The following EPS8 variants were observed in gnomAD, a reference collection of about 807,000 sequenced individuals.
EPS8 encodes the protein EGFR pathway substrate 8, signaling adaptor.
A neutral mutation model predicts 103.8 loss-of-function variants in EPS8; 42 were observed. The observed-to-expected ratio is 0.40, with a 90% confidence interval of 0.32 to 0.52. The LOEUF (loss-of-function observed/expected upper bound fraction) is 0.52, where lower values mean the gene tolerates loss of function less well. EPS8 is among the 20% of genes least tolerant of loss of function. EPS8 has a pLI of 0.40. For missense variants in EPS8, 969 were observed against 1,005.1 expected, an observed-to-expected ratio of 0.96 and a Z score of 0.49; for synonymous variants, 344 against 344.6, an observed-to-expected ratio of 1.00 and a Z score of 0.02.
rs1403234358 is a variant in EPS8 at position 15,759,761 on chromosome 12, T to TGAAACAAATGATAATG, written c.-22+29384_-22+29399dup. On this transcript the variant is annotated intron_variant, in intron 1 of 20. Coordinates refer to ENST00000281172, the MANE Select transcript of EPS8 (RefSeq NM_004447.6). This position sits in a 1 kb window ranked among gnomAD's most constrained non-coding sequence, Gnocchi z 4.9. Reference sequence around the variant, plus strand: ...CTAAGAAGGAAATTGAAGAATTTCTTGAAACAAATGATAATGGAAACACAA... The same window carrying TGAAACAAATGATAATG: ...CTAAGAAGGAAATTGAAGAATTTCTTGAAACAAATGATAATGGAAACAAATGATAATGGAAACACAA... Among the ~76,000 whole-genome samples the TGAAACAAATGATAATG allele has an allele frequency of 1.3e-5, 2 of 152,022 alleles. No homozygotes were observed. The highest frequency in any genetic ancestry group is 6.5e-5 in the Admixed American group (1 of 15,272).
chr12:15,744,820 A>G (rs899826334), intron 1 of EPS8, among the ~76,000 whole-genome samples: 1 of 152,200 alleles, frequency 6.6e-6, no homozygotes, highest in Non-Finnish European at 1.5e-5. Flanking sequence ...AATACTTTTA[A>G]AAGTCTTTTG....
At chr12:15,763,688 C>T (rs958255835) in intron 1 of EPS8, among the ~76,000 whole-genome samples, 6 of 152,150 alleles carry the variant, frequency 3.9e-5, no homozygotes, top group Admixed American at 6.5e-5. Context: ...TATATGCACA[C>T]GCTGCATGGC....
rs1028424798 is a variant in EPS8, at chr12:15,733,006, A to G, written c.-21-50034T>C. Among the ~76,000 whole-genome samples, 2 of 152,212 alleles carry G rather than the reference A, an allele frequency of 1.3e-5. No homozygotes were observed. Among genetic ancestry groups the G allele is most frequent in the Admixed American group, 1.3e-4 (2 of 15,278 alleles). The stretch of plus-strand genomic sequence containing the variant: ...AGGTAGTCATGACTACCACACTAGA[A>G]TTGAACGATACCTAAATAATGGAGT... On this transcript the variant is annotated intron_variant, in intron 1 of 20. Transcript: ENST00000281172. This position sits in a 1 kb window ranked among gnomAD's most constrained non-coding sequence, Gnocchi z 4.8.
rs149423607 is a variant in EPS8, at chr12:15,702,691, A to G, written c.-21-19719T>C. 2.7e-3 allele frequency among the ~76,000 whole-genome samples: 397 copies of G among 147,180 alleles called. 1 individual carries two copies. Among genetic ancestry groups the G allele is most frequent in the Middle Eastern group, 0.01 (3 of 292 alleles). The stretch of plus-strand genomic sequence containing the variant: ...TATATCCAAAACACATATCCAATAC[A>G]ATATATAAATATGAAGAAAAAAATT... On this transcript the variant is annotated intron_variant, in intron 1 of 20. Coordinates refer to ENST00000281172, the MANE Select transcript of EPS8 (RefSeq NM_004447.6). This position sits in a 1 kb window ranked among gnomAD's most constrained non-coding sequence, Gnocchi z 5.1.
chr12:15,768,009 A>G (rs1007174635), intron 1 of EPS8, among the ~76,000 whole-genome samples: 1 of 152,244 alleles, frequency 6.6e-6, no homozygotes, highest in Non-Finnish European at 1.5e-5. Context: ...TGCAGTTAAG[A>G]ATTAACCTAA....
intron 1 of EPS8, among the ~76,000 whole-genome samples, chr12:15,783,371 G>C (rs1005804751): frequency 1.3e-5 from 2 of 152,170 alleles, no homozygotes; most frequent in Non-Finnish European, 2.9e-5. Context: ...AGGGTTACTA[G>C]TTAAGTTTTT....
At chr12:15,628,947 C>T (rs932866509) in intron 18 of EPS8, among the ~76,000 whole-genome samples, 9 of 151,914 alleles carry the variant, frequency 5.9e-5, no homozygotes, top group Non-Finnish European at 1.3e-4. Flanking sequence ...AACTGTTCTG[C>T]AATAAAGTTA....
chr12:15,641,630 A>C, intron 16 of EPS8, 92 bp downstream of exon 16: 1 of 557,272 alleles, frequency 1.8e-6, no homozygotes, highest in East Asian at 3.2e-5. Flanking sequence ...TTAGTAATAT[A>C]ATACTTTTGA....
chr12:15,737,655 C>T (rs1428880406), intron 1 of EPS8, among the ~76,000 whole-genome samples: 2 of 152,094 alleles, frequency 1.3e-5, no homozygotes, highest in Non-Finnish European at 2.9e-5. Context: ...AAGTGAAGAA[C>T]TAAAACTGAA....
intron 1 of EPS8, chr12:15,732,843 T>C (rs1486063580): frequency 1.4e-6 from 1 of 711,678 alleles, no homozygotes; most frequent in African/African-American, 1.9e-5. Context: ...TGTTAATCAT[T>C]GTTAAGGCTT....
chr12:15,691,472 C>T (rs1946170879), intron 1 of EPS8, among the ~76,000 whole-genome samples: 1 of 152,002 alleles, frequency 6.6e-6, no homozygotes, highest in African/African-American at 2.4e-5. Context: ...ATTTATAGTA[C>T]AATGTGGCAA....
rs565432663 is a variant in EPS8, at chr12:15,788,192, T to G, written c.-22+969A>C. Among the ~76,000 whole-genome samples the G allele has an allele frequency of 4.6e-5, 7 of 152,340 alleles. No individual in the cohort carries two copies. In the East Asian group the frequency reaches 1.3e-3, roughly 29 times the overall value. ...ATCTGAAATCAAGTTTTACCTGAAC[T>G]CATCCTAACATATTAGCTCTTTTAC... On this transcript the variant is annotated intron_variant, in intron 1 of 20. Coordinates refer to ENST00000281172, the MANE Select transcript of EPS8 (RefSeq NM_004447.6).
intron 17 of EPS8, among the ~76,000 whole-genome samples, chr12:15,634,290 T>C (rs1470638058): frequency 6.6e-6 from 1 of 152,246 alleles, no homozygotes; most frequent in Non-Finnish European, 1.5e-5. Context: ...TTGCCTGTGA[T>C]AGCCCACAAA....
At position 15,665,863 on chromosome 12, in the gene EPS8, G is replaced by A. The variant is rs773063073; in HGVS notation, c.629C>T (p.Pro210Leu). 9.3e-6 allele frequency: 15 copies of A among 1,613,352 alleles called. No homozygotes were observed. Among genetic ancestry groups the A allele is most frequent in the East Asian group, 2.2e-5 (1 of 44,842 alleles). Residue 210 changes from proline (P) to leucine (L), a missense_variant, in exon 8 of 21, where the codon CCG becomes CTG. Transcript: ENST00000281172. ...RMISNADPSI[P>L]PPPRAPAPAP... Reference sequence around the variant, plus strand: ...AGGGGCAGGAGCTCTGGGTGGAGGCGGTATACTAGGGTCTGCATTGGAAAT... The same window carrying A: ...AGGGGCAGGAGCTCTGGGTGGAGGCAGTATACTAGGGTCTGCATTGGAAAT...
rs1317244817 is a variant in EPS8 at position 15,698,514 on chromosome 12, T to C, written c.-21-15542A>G. 6.6e-6 allele frequency among the ~76,000 whole-genome samples: 1 copy of C among 151,306 alleles called. No individual in the cohort carries two copies. Among genetic ancestry groups the C allele is most frequent in the Non-Finnish European group, 1.5e-5 (1 of 67,942 alleles). On this transcript the variant is annotated intron_variant, in intron 1 of 20. Coordinates refer to ENST00000281172, the MANE Select transcript of EPS8 (RefSeq NM_004447.6). This position sits in a 1 kb window ranked among gnomAD's most constrained non-coding sequence, Gnocchi z 4.9. ...CTCTCTTATTGCCAGCCAACTTCCT[T>C]ATTTTCCTCAAATGGAGTGGAAAAA...
chr12:15,765,687 G>C (rs1347831435), intron 1 of EPS8, among the ~76,000 whole-genome samples: 1 of 151,990 alleles, frequency 6.6e-6, no homozygotes, highest in Non-Finnish European at 1.5e-5. Context: ...TAGTAAATTA[G>C]TGTTACAAAG....
chr12:15,758,708 T>C lies in EPS8; in HGVS notation c.-22+30453A>G, dbSNP rs1011834488. ...GCAATTTTCATATGATTGCAGAAAT[T>C]TGAAAATAGACTGTATAGCTGATAA... On this transcript the variant is annotated intron_variant, in intron 1 of 20. Transcript: ENST00000281172. Among the ~76,000 whole-genome samples the C allele has an allele frequency of 2.6e-5, 4 of 152,184 alleles. No homozygotes were observed. The East Asian group carries it at 5.8e-4, about 22-fold the overall frequency.
chr12:15,643,778 C>A (rs972851747), intron 15 of EPS8, among the ~76,000 whole-genome samples: 133 of 140,862 alleles, frequency 9.4e-4, no homozygotes, highest in African/African-American at 3.3e-3. Context: ...ACCAAAGTTT[C>A]TTAACAGCTA....
rs1373033000 is a variant in EPS8, at chr12:15,688,688, T to TC, written c.-21-5717dup. Among the ~76,000 whole-genome samples, 2 of 151,898 alleles carry TC rather than the reference T, an allele frequency of 1.3e-5. No individual in the cohort carries two copies. The highest frequency in any genetic ancestry group is 6.6e-5 in the Admixed American group (1 of 15,246). ...GGGGAAAACCATTCTCCCTTGTGGC[T>TC]CCCCCATCTGCTGAGAGCTACCTCC... On this transcript the variant is annotated intron_variant, in intron 1 of 20. Transcript: ENST00000281172. The surrounding 1 kb of genome is among the most constrained non-coding windows in gnomAD (Gnocchi z 5.1).
Sources: gnomAD v4.1 joint callset for allele counts (sites outside exome capture counted in the v4.1 genomes callset) on GRCh38, gnomAD v4.1.1 for gene constraint, Gnocchi (gnomAD v3.1) non-coding constraint, MANE v1.5 for transcripts, NCBI Gene and HGNC (gene_info 2026-07-23, HGNC 2026-07-21) for gene names.